The following TNR variants were observed in gnomAD, a reference collection of about 807,000 sequenced individuals.
TNR encodes tenascin R.
In TNR, 45 loss-of-function variants were observed where a neutral mutation model predicts 150.4. The observed-to-expected ratio is 0.30, with a 90% confidence interval of 0.24 to 0.38. TNR has a LOEUF of 0.38. Ranked by LOEUF, TNR falls within the 10% of genes least tolerant of loss-of-function variation. The pLI, the probability that TNR is intolerant of heterozygous loss-of-function variation, is 1.00. For synonymous variants in TNR, 687 were observed against 678.4 expected, an observed-to-expected ratio of 1.01 and a Z score of -0.20; for missense variants, 1,544 against 1,759.1, an observed-to-expected ratio of 0.88 and a Z score of 2.19.
At chr1:175,374,021 G>A (rs913286897) in intron 9 of TNR, among the ~76,000 whole-genome samples, 2 of 152,232 alleles carry the variant, frequency 1.3e-5, no homozygotes, top group African/African-American at 4.8e-5. Flanking sequence ...AGGAGGCTGA[G>A]CACTGTCTGG....
At chr1:175,602,909 T>G (rs1571665110) in intron 1 of TNR, among the ~76,000 whole-genome samples, 1 of 151,808 alleles carries the variant, frequency 6.6e-6, no homozygotes, top group African/African-American at 2.4e-5. Flanking sequence ...TAATTTTCCC[T>G]GTAATATATT....
chr1:175,717,225 G>A (rs1031944652), intron 1 of TNR, among the ~76,000 whole-genome samples: 4 of 151,980 alleles, frequency 2.6e-5, no homozygotes, highest in Middle Eastern at 3.2e-3. Flanking sequence ...TTAAAATCTC[G>A]GTTTCCTGTT....
Position 175,336,145 on chromosome 1 carries a change from C to T in TNR, c.3535-338G>A, listed in dbSNP as rs113401868. Among the ~76,000 whole-genome samples the T allele has an allele frequency of 8.7e-3, 1,331 of 152,290 alleles. 20 individuals are homozygous for T. The highest frequency in any genetic ancestry group is 0.028 in the African/African-American group (1,173 of 41,556). ...AGGGGAAATAGGCTTGGCTCTCAAACGAATCTTTTGCACTACAGAGTGCAG... is the reference window on the plus strand; with the variant it reads ...AGGGGAAATAGGCTTGGCTCTCAAATGAATCTTTTGCACTACAGAGTGCAG... On this transcript the variant is annotated intron_variant, in intron 19 of 22. Transcript: ENST00000367674.
chr1:175,702,128 T>C (rs765547683), intron 1 of TNR, among the ~76,000 whole-genome samples: 4 of 152,196 alleles, frequency 2.6e-5, no homozygotes, highest in Non-Finnish European at 5.9e-5. Context: ...TAAGATACTC[T>C]AAGGGTGACT....
chr1:175,465,544 CA>C (rs1656996636), intron 2 of TNR, among the ~76,000 whole-genome samples: 1 of 152,196 alleles, frequency 6.6e-6, no homozygotes, highest in African/African-American at 2.4e-5. Context: ...CCTTGTTTCC[CA>C]GTCTCTTCAT....
chr1:175,535,992 G>A (rs2102184055), intron 1 of TNR, among the ~76,000 whole-genome samples: 1 of 152,218 alleles, frequency 6.6e-6, no homozygotes, highest in Middle Eastern at 3.4e-3. Context: ...TCTCATTACA[G>A]TTGTTGCAGA....
intron 21 of TNR, among the ~76,000 whole-genome samples, chr1:175,326,888 G>A (rs1016184201): frequency 4.6e-5 from 7 of 151,624 alleles, no homozygotes; most frequent in Admixed American, 6.6e-5. Context: ...GGATGGTCTC[G>A]ATCTCCTGAC....
intron 2 of TNR, among the ~76,000 whole-genome samples, chr1:175,433,129 C>T (rs562640210): frequency 1.8e-4 from 27 of 152,282 alleles, no homozygotes; most frequent in African/African-American, 6.5e-4. Context: ...AGAGAGAAGA[C>T]AGAAGGAGCC....
At chr1:175,343,492 C>G (rs1016914390) in intron 18 of TNR, among the ~76,000 whole-genome samples, 3 of 152,200 alleles carry the variant, frequency 2.0e-5, no homozygotes, top group Non-Finnish European at 4.4e-5. Flanking sequence ...TCAAGAAAGA[C>G]TTCCTACTAT....
chr1:175,430,195 G>A (rs193262966), intron 2 of TNR, among the ~76,000 whole-genome samples: 1 of 152,154 alleles, frequency 6.6e-6, no homozygotes, highest in Admixed American at 6.5e-5. Context: ...AAATTCTATT[G>A]CACCAACAAA....
chr1:175,504,411 A>G (rs1658867674), intron 2 of TNR, among the ~76,000 whole-genome samples: 2 of 152,142 alleles, frequency 1.3e-5, no homozygotes, highest in South Asian at 4.1e-4. Context: ...GTAGCAGTGA[A>G]CATAGCTCAC....
At chr1:175,667,909 A>G (rs1665578960) in intron 1 of TNR, among the ~76,000 whole-genome samples, 1 of 152,216 alleles carries the variant, frequency 6.6e-6, no homozygotes, top group African/African-American at 2.4e-5. Flanking sequence ...AGGTCAGCCA[A>G]AGAGACACAA....
chr1:175,607,799 C>T (rs1663460902), intron 1 of TNR, among the ~76,000 whole-genome samples: 1 of 152,222 alleles, frequency 6.6e-6, no homozygotes, highest in African/African-American at 2.4e-5. Flanking sequence ...TATACTTATT[C>T]AGTCTCTTTG....
At chr1:175,341,106 T>C (rs1025098453) in intron 18 of TNR, among the ~76,000 whole-genome samples, 1 of 152,206 alleles carries the variant, frequency 6.6e-6, no homozygotes, top group Non-Finnish European at 1.5e-5. Context: ...TCTGCTGTAT[T>C]CAATGTGAAC....
chr1:175,665,327 T>C (rs1665503858), intron 1 of TNR, among the ~76,000 whole-genome samples: 1 of 152,164 alleles, frequency 6.6e-6, no homozygotes, highest in African/African-American at 2.4e-5. Flanking sequence ...TTTTCCTCCA[T>C]GTGTAAGAGA....
In TNR at chr1:175,403,240, G is replaced by A. The variant is rs769043045; in HGVS notation, c.876C>T (p.Cys292=). Reference sequence around the variant, plus strand: ...AGGCATTCAGACACTGCCGCTGGCCGCAGTCCTCACCAACGTAGCCCTCCT... The same window carrying A: ...AGGCATTCAGACACTGCCGCTGGCCACAGTCCTCACCAACGTAGCCCTCCT... ...LCEEGYVGED[C]GQRQCLNACS... Residue 292 remains cysteine, a synonymous_variant, in exon 4 of 23, where the codon TGC becomes TGT. Coordinates refer to ENST00000367674, the MANE Select transcript of TNR (RefSeq NM_003285.3). 16 of 1,613,976 alleles carry A rather than the reference G, an allele frequency of 9.9e-6. No individual in the cohort carries two copies. In the East Asian group the frequency reaches 1.8e-4, roughly 18 times the overall value.
chr1:175,557,310 G>T (rs1477121544), intron 1 of TNR, among the ~76,000 whole-genome samples: 1 of 152,216 alleles, frequency 6.6e-6, no homozygotes, highest in African/African-American at 2.4e-5. Flanking sequence ...GTATGATAAT[G>T]TGTGTTGTTT....
chr1:175,530,357 T>C (rs1242889080), intron 1 of TNR, among the ~76,000 whole-genome samples: 1 of 152,170 alleles, frequency 6.6e-6, no homozygotes. Flanking sequence ...TCTCTTTGGC[T>C]CTGGGCTGCC....
At chr1:175,736,440 G>A (rs1347559991) in intron 1 of TNR, among the ~76,000 whole-genome samples, 2 of 152,034 alleles carry the variant, frequency 1.3e-5, no homozygotes, top group Non-Finnish European at 2.9e-5. Flanking sequence ...AGAATGGCGT[G>A]AACCCGGGAG....
Sources: gnomAD v4.1 joint callset for allele counts (sites outside exome capture counted in the v4.1 genomes callset) on GRCh38, gnomAD v4.1.1 for gene constraint, MANE v1.5 for transcripts, NCBI Gene and HGNC (gene_info 2026-07-23, HGNC 2026-07-21) for gene names.